SATB1: variants seen among roughly 807,000 people sequenced by gnomAD.
SATB1 encodes the protein DNA-binding protein SATB1.
Under a neutral mutation model 86.9 loss-of-function variants are expected in SATB1, and 11 were observed. That is an observed-to-expected ratio of 0.13 (90% CI 0.08 to 0.21). The LOEUF is 0.21. SATB1 is among the 10% of genes least tolerant of loss of function. The pLI, the probability that SATB1 is intolerant of heterozygous loss-of-function variation, is 1.00. For missense variants in SATB1, 551 were observed against 937.6 expected (o/e 0.59, Z 5.39); for synonymous variants, 357 against 357.2 (o/e 1.00, Z 0.01).
At chr3:18,360,573 G>T (rs937066870) in intron 9 of SATB1, among the ~76,000 whole-genome samples, 8 of 151,296 alleles carry the variant, frequency 5.3e-5, no homozygotes, top group African/African-American at 1.7e-4. Context: ...TTCAAGACAC[G>T]CTCAAGCACT....
At chr3:18,356,088 T>G (rs1340917275) in intron 9 of SATB1, among the ~76,000 whole-genome samples, 1 of 151,890 alleles carries the variant, frequency 6.6e-6, no homozygotes, top group East Asian at 1.9e-4. Context: ...CTCCCCCTAT[T>G]ACTTAAAAAA....
intron 2 of SATB1, among the ~76,000 whole-genome samples, chr3:18,433,936 T>C (rs1177350418): frequency 6.6e-6 from 1 of 152,122 alleles, no homozygotes; most frequent in Non-Finnish European, 1.5e-5. Context: ...AGGCTGTTTT[T>C]TAATCATTTA....
rs187933215 is a variant in SATB1 at position 18,389,000 on chromosome 3, T to C, written c.1207-2389A>G. Among the ~76,000 whole-genome samples, 446 of 152,204 alleles carry C rather than the reference T, an allele frequency of 2.9e-3. 1 individual carries two copies. The highest frequency in any genetic ancestry group is 6.0e-3 in the Admixed American group (92 of 15,298). The stretch of plus-strand genomic sequence containing the variant: ...CTAAGTCATTTCCATATGGTTGAGA[T>C]TGGAAGGTAGTTATGTCACTTGGGA... On this transcript the variant is annotated intron_variant, in intron 7 of 10. Transcript: ENST00000338745.
At chr3:18,388,905 T>C (rs767294485) in intron 7 of SATB1, among the ~76,000 whole-genome samples, 2 of 152,116 alleles carry the variant, frequency 1.3e-5, no homozygotes, top group Non-Finnish European at 2.9e-5. Flanking sequence ...CAGAGATCTA[T>C]AGTGAGAAAG....
At chr3:18,442,335 T>C (rs1699264216), upstream of SATB1, among the ~76,000 whole-genome samples, 1 of 152,210 alleles carries the variant, frequency 6.6e-6, no homozygotes, top group Non-Finnish European at 1.5e-5. Flanking sequence ...AGATGTAGCA[T>C]TATCCAAATT....
Position 18,349,392 on chromosome 3 carries a change from G to T in SATB1, c.2070C>A (p.Ile690=). Residue 690 remains isoleucine (I), a synonymous_variant, in exon 11 of 11, where the codon ATC becomes ATA. Transcript: ENST00000338745. This position sits in a 1 kb window ranked among gnomAD's most constrained non-coding sequence, Gnocchi z 5.5. ...AGTACCGCTGGTTCTGAAAGAACTT[G>T]ATGATGGTGTACTTGGGAAGGTCGA... The part of the protein sequence containing the change: ...AQLDLPKYTI[I]KFFQNQRYYL... The T allele has an allele frequency of 6.2e-7, 1 of 1,614,196 alleles. No homozygotes were observed. Among genetic ancestry groups the T allele is most frequent in the Middle Eastern group, 1.6e-4 (1 of 6,062 alleles).
At chr3:18,371,817 C>T (rs545302804) in intron 9 of SATB1, among the ~76,000 whole-genome samples, 1 of 152,328 alleles carries the variant, frequency 6.6e-6, no homozygotes, top group South Asian at 2.1e-4. Flanking sequence ...ACACTTTCAT[C>T]TTCTAACTTG....
intron 9 of SATB1, among the ~76,000 whole-genome samples, chr3:18,356,916 C>T (rs1023577903): frequency 2.0e-5 from 3 of 151,578 alleles, no homozygotes; most frequent in Non-Finnish European, 4.4e-5. Flanking sequence ...ACTACTTTTC[C>T]AGGAGGAAAC....
rs1694005042 is a variant in SATB1 at position 18,345,435 on chromosome 3, A to G, written c.*3735T>C. ...ACATTTGGTATTGTTAAACAGGTAT[A>G]GTATTCAGGACATACACCTTCTACC... On this transcript the variant is annotated 3_prime_UTR_variant, in exon 11 of 11. Coordinates refer to ENST00000338745, the MANE Select transcript of SATB1 (RefSeq NM_002971.6). The G allele has an allele frequency of 6.6e-6, 1 of 152,156 alleles. No individual in the cohort carries two copies. Among genetic ancestry groups the G allele is most frequent in the Admixed American group, 6.5e-5 (1 of 15,272 alleles). 9.4% of individuals were successfully genotyped at this position (152,156 alleles called of 1,614,324 possible).
At chr3:18,362,789 A>G (rs1694965361) in intron 9 of SATB1, among the ~76,000 whole-genome samples, 2 of 132,252 alleles carry the variant, frequency 1.5e-5, no homozygotes, top group Non-Finnish European at 3.1e-5. Context: ...AAAATTTATA[A>G]TATTTATTTT....
chr3:18,442,815 T>G (rs1032336537), upstream of SATB1, among the ~76,000 whole-genome samples: 1 of 152,254 alleles, frequency 6.6e-6, no homozygotes, highest in Non-Finnish European at 1.5e-5. Flanking sequence ...TGCCTATTCA[T>G]GCTATTCCTG....
chr3:18,380,796 G>T (rs911620278), intron 8 of SATB1, among the ~76,000 whole-genome samples: 1 of 151,894 alleles, frequency 6.6e-6, no homozygotes, highest in Admixed American at 6.6e-5. Flanking sequence ...TATGAAAGCT[G>T]AATTTTTCCC....
chr3:18,407,008 G>A (rs1697572883), intron 5 of SATB1, among the ~76,000 whole-genome samples: 1 of 151,982 alleles, frequency 6.6e-6, no homozygotes, highest in Admixed American at 6.6e-5. Flanking sequence ...CAATTACAGT[G>A]TACACAGCCT....
intron 2 of SATB1, among the ~76,000 whole-genome samples, chr3:18,432,486 T>C (rs1297004069): frequency 6.6e-6 from 1 of 152,186 alleles, no homozygotes; most frequent in East Asian, 1.9e-4. Context: ...ATATCTGATA[T>C]TGTACTGCTA....
intron 2 of SATB1, chr3:18,434,799 G>A (rs2125201623): frequency 6.6e-6 from 1 of 151,594 alleles, no homozygotes; most frequent in Admixed American, 6.6e-5. Flanking sequence ...ATAAATATAA[G>A]GAAATTTCTC....
At chr3:18,398,401 C>A (rs930624245) in intron 5 of SATB1, among the ~76,000 whole-genome samples, 1 of 152,120 alleles carries the variant, frequency 6.6e-6, no homozygotes, top group African/African-American at 2.4e-5. Context: ...AACATGAGAA[C>A]TCACATTTCA....
chr3:18,410,064 G>A (rs560522330), intron 5 of SATB1, among the ~76,000 whole-genome samples: 4 of 152,150 alleles, frequency 2.6e-5, no homozygotes, highest in East Asian at 3.9e-4. Context: ...CTTCTGGAAC[G>A]TCCCAAATAC....
chr3:18,436,030 A>G (rs918024706), intron 2 of SATB1, among the ~76,000 whole-genome samples: 1 of 152,312 alleles, frequency 6.6e-6, no homozygotes, highest in South Asian at 2.1e-4. Flanking sequence ...TCTTTTTTAG[A>G]TAACTTTCAT....
chr3:18,357,405 T>C (rs1694698545), intron 9 of SATB1, among the ~76,000 whole-genome samples: 1 of 151,868 alleles, frequency 6.6e-6, no homozygotes, highest in Admixed American at 6.6e-5. Flanking sequence ...TGAGTACATT[T>C]TCAACAACAA....
Sources: allele counts gnomAD v4.1 joint callset (sites outside exome capture counted in the v4.1 genomes callset), GRCh38; gene constraint gnomAD v4.1.1; non-coding constraint Gnocchi (gnomAD v3.1); transcripts MANE v1.5; gene names NCBI Gene and HGNC (gene_info 2026-07-23, HGNC 2026-07-21).